The following ATG14 variants were observed in gnomAD, a reference collection of about 807,000 sequenced individuals.
ATG14 encodes beclin 1-associated autophagy-related key regulator.
ATG14 carries 35 observed loss-of-function variants against 60.4 expected under a neutral mutation model. That is an observed-to-expected ratio of 0.58 (90% CI 0.44 to 0.77). The LOEUF (loss-of-function observed/expected upper bound fraction) is 0.77. Ranked by LOEUF, ATG14 falls within the 30% of genes least tolerant of loss-of-function variation. The probability of loss-of-function intolerance (pLI) is 0.00; values close to 1 mark genes in which losing one functional copy is unlikely to be tolerated. For synonymous variants in ATG14, 234 were observed against 228.8 expected, an observed-to-expected ratio of 1.02 and a Z score of -0.21; for missense variants, 647 against 626.3, an observed-to-expected ratio of 1.03 and a Z score of -0.35.
At chr14:55,384,176 T>G (rs537958918) in intron 5 of ATG14, among the ~76,000 whole-genome samples, 1 of 152,288 alleles carries the variant, frequency 6.6e-6, no homozygotes, top group South Asian at 2.1e-4. Context: ...TTTTAAAAAA[T>G]TAATGGCATA....
chr14:55,409,211 T>G (rs765896972), intron 1 of ATG14, among the ~76,000 whole-genome samples: 1 of 152,184 alleles, frequency 6.6e-6, no homozygotes, highest in Non-Finnish European at 1.5e-5. Flanking sequence ...AAGAAAAGTA[T>G]AGGATAACTC....
In ATG14 at chr14:55,367,794, A is replaced by G. The variant is rs768743317; in HGVS notation, c.*1825T>C. Reference sequence around the variant, plus strand: ...CGAGAAAAGCCTACTTCCTCCTTTCATGGAAAATTCATAGAGCCAAGGAAT... The same window carrying G: ...CGAGAAAAGCCTACTTCCTCCTTTCGTGGAAAATTCATAGAGCCAAGGAAT... On this transcript the variant is annotated 3_prime_UTR_variant, in exon 10 of 10. Transcript: ENST00000247178. The G allele has an allele frequency of 1.2e-4, 18 of 152,104 alleles. No individual in the cohort carries two copies. Among genetic ancestry groups the G allele is most frequent in the Non-Finnish European group, 2.4e-4 (16 of 68,010 alleles). The allele number at this position is 152,104 out of a possible 1,614,324, so 9.4% of individuals were successfully genotyped here.
At chr14:55,402,217 T>C (rs993580984) in intron 1 of ATG14, among the ~76,000 whole-genome samples, 45 of 152,176 alleles carry the variant, frequency 3.0e-4, no homozygotes, top group Middle Eastern at 3.2e-3. Context: ...TTTCATAACA[T>C]AACTCTCACC....
chr14:55,374,977 T>C (rs1841047192), intron 9 of ATG14, among the ~76,000 whole-genome samples: 2 of 152,208 alleles, frequency 1.3e-5, no homozygotes, highest in African/African-American at 2.4e-5. Context: ...ATACTTCTAG[T>C]TGAACTTTAG....
At chr14:55,371,435 G>C (rs951763828) in intron 9 of ATG14, among the ~76,000 whole-genome samples, 2 of 152,184 alleles carry the variant, frequency 1.3e-5, no homozygotes, top group Admixed American at 1.3e-4. Flanking sequence ...TCCAGGGACT[G>C]TTTTTAGGGC....
intron 1 of ATG14, 86 bp downstream of exon 1, chr14:55,411,516 A>C: frequency 2.3e-6 from 3 of 1,321,940 alleles, no homozygotes; most frequent in Non-Finnish European, 3.1e-6. Flanking sequence ...TGGTGCCCGG[A>C]CGGGGAGCCC....
intron 4 of ATG14, among the ~76,000 whole-genome samples, chr14:55,387,953 C>T (rs537691664): frequency 6.6e-6 from 1 of 152,280 alleles, no homozygotes; most frequent in African/African-American, 2.4e-5. Flanking sequence ...TGAGCCACTG[C>T]ACCTGGCCAA....
chr14:55,380,631 G>C lies in ATG14; in HGVS notation c.937C>G (p.Leu313Val). Residue 313 changes from leucine to valine, a missense_variant, in exon 7 of 10, where the codon CTG (leucine) becomes GTG (valine). By Grantham distance (32) the Leu-to-Val change is conservative (BLOSUM62 1). Coordinates refer to ENST00000247178, the MANE Select transcript of ATG14 (RefSeq NM_014924.5). ...AGTATATGAGACAGAATGTTGACCAGCTGAGTTGCATAGCACAGCGCAGCA... is the reference window on the plus strand; with the variant it reads ...AGTATATGAGACAGAATGTTGACCACCTGAGTTGCATAGCACAGCGCAGCA... ...ISAALCYATQ[L>V]VNILSHILDV... 1 of 1,613,114 alleles carries C rather than the reference G, an allele frequency of 6.2e-7. No individual in the cohort carries two copies. Among genetic ancestry groups the C allele is most frequent in the Non-Finnish European group, 8.5e-7 (1 of 1,179,652 alleles).
At chr14:55,400,726 A>C (rs1239968415) in intron 1 of ATG14, among the ~76,000 whole-genome samples, 2 of 152,098 alleles carry the variant, frequency 1.3e-5, no homozygotes, top group African/African-American at 4.8e-5. Flanking sequence ...AACATGGCGA[A>C]ACTCTGTCTC....
chr14:55,388,389 C>T (rs1885160162), intron 4 of ATG14, among the ~76,000 whole-genome samples: 1 of 152,260 alleles, frequency 6.6e-6, no homozygotes, highest in East Asian at 1.9e-4. Flanking sequence ...TCATCTGCAC[C>T]CAGTGCAGAC....
chr14:55,391,301 C>T, intron 3 of ATG14: 1 of 188,106 alleles, frequency 5.3e-6, no homozygotes. Flanking sequence ...TGGTGAAACC[C>T]CATCTCTACT....
At chr14:55,379,421 G>T (rs861713) in intron 7 of ATG14, among the ~76,000 whole-genome samples, 4 of 151,906 alleles carry the variant, frequency 2.6e-5, no homozygotes, top group African/African-American at 9.7e-5. Flanking sequence ...ATGAACCTGT[G>T]GTCCCAGCAA....
At chr14:55,393,839 C>G (rs904649129) in intron 3 of ATG14, among the ~76,000 whole-genome samples, 1 of 151,492 alleles carries the variant, frequency 6.6e-6, no homozygotes, top group African/African-American at 2.4e-5. Context: ...CATCCACCAC[C>G]ACACCCAGCG....
intron 6 of ATG14, among the ~76,000 whole-genome samples, 165 bp from the exon 7 acceptor site, chr14:55,380,855 GTATATA>G (rs1555341865): frequency 8.5e-6 from 1 of 118,084 alleles, no homozygotes; most frequent in Non-Finnish European, 1.7e-5. Context: ...TTCTTTGTGT[GTATATA>G]TATATATATA....
intron 5 of ATG14, among the ~76,000 whole-genome samples, chr14:55,382,848 T>G (rs1885058952): frequency 6.6e-6 from 1 of 152,176 alleles, no homozygotes; most frequent in Admixed American, 6.5e-5. Context: ...GAACTTTTGT[T>G]TATATGGGTT....
At position 55,408,746 on chromosome 14, in the gene ATG14, C is replaced by T. The variant is rs117014349; in HGVS notation, c.221+2856G>A. On this transcript the variant is annotated intron_variant, in intron 1 of 9. Transcript: ENST00000247178. ...TGATTGTGCCAGTGCACTCCAGCCT[C>T]GGTGACAGAGCAAGATCCTGTCTCA... Among the ~76,000 whole-genome samples the T allele has an allele frequency of 8.8e-3, 1,342 of 152,104 alleles. 32 individuals carry two copies. The highest frequency in any genetic ancestry group is 0.062 in the South Asian group (297 of 4,810).
At chr14:55,388,091 C>G (rs937502253) in intron 4 of ATG14, among the ~76,000 whole-genome samples, 1 of 152,006 alleles carries the variant, frequency 6.6e-6, no homozygotes, top group Non-Finnish European at 1.5e-5. Context: ...GAGCCGAGAT[C>G]GTGCCACTGC....
chr14:55,410,161 G>C (rs1885549442), intron 1 of ATG14, among the ~76,000 whole-genome samples: 1 of 152,118 alleles, frequency 6.6e-6, no homozygotes, highest in Non-Finnish European at 1.5e-5. Flanking sequence ...ATTTATGATG[G>C]AAAACAAGGA....
intron 1 of ATG14, among the ~76,000 whole-genome samples, chr14:55,398,011 G>A (rs1419128217): frequency 1.4e-5 from 2 of 144,836 alleles, no homozygotes; most frequent in African/African-American, 2.6e-5. Context: ...GTAGTGGTGC[G>A]ATCTTGGCTC....
Sources: gnomAD v4.1 joint callset for allele counts (sites outside exome capture counted in the v4.1 genomes callset) on GRCh38, gnomAD v4.1.1 for gene constraint, MANE v1.5 for transcripts, NCBI Gene and HGNC (gene_info 2026-07-23, HGNC 2026-07-21) for gene names.